Variants in MCTP2 observed in about 807,000 individuals in gnomAD.
MCTP2 encodes multiple C2 and transmembrane domain-containing protein 2.
MCTP2 carries 132 observed loss-of-function variants against 111.6 expected under a neutral mutation model. That is an observed-to-expected ratio of 1.18 (90% CI 1.03 to 1.37). MCTP2 has a LOEUF of 1.37. Ranked by LOEUF, MCTP2 falls within the 40% of genes most tolerant of loss-of-function variation. The probability of loss-of-function intolerance (pLI) is 0.00; values close to 1 mark genes in which losing one functional copy is unlikely to be tolerated. For synonymous variants in MCTP2, 395 were observed against 387.7 expected, an observed-to-expected ratio of 1.02 and a Z score of -0.22; for missense variants, 1,183 against 1,067.9, an observed-to-expected ratio of 1.11 and a Z score of -1.50.
At chr15:94,464,638 A>G (rs180686382) in intron 20 of MCTP2, among the ~76,000 whole-genome samples, 23 of 152,086 alleles carry the variant, frequency 1.5e-4, no homozygotes, top group Admixed American at 7.2e-4. Flanking sequence ...TTCTTAACAT[A>G]AACATTTAAG....
At chr15:94,324,878 G>T (rs979912675) in intron 4 of MCTP2, among the ~76,000 whole-genome samples, 11 of 152,142 alleles carry the variant, frequency 7.2e-5, no homozygotes, top group African/African-American at 2.4e-4. Context: ...TAAAATGACT[G>T]ATTTAAGTCC....
At chr15:94,288,523 G>A (rs1368241022) in intron 1 of MCTP2, among the ~76,000 whole-genome samples, 2 of 152,170 alleles carry the variant, frequency 1.3e-5, no homozygotes, top group African/African-American at 4.8e-5. Context: ...ACAGAAGGTG[G>A]GCTGCAATTT....
At chr15:94,253,723 T>TA (rs1402215047) in intron 1 of MCTP2, among the ~76,000 whole-genome samples, 6 of 149,086 alleles carry the variant, frequency 4.0e-5, no homozygotes, top group African/African-American at 1.5e-4. Context: ...GTCTCTCTCT[T>TA]AAAGTCTCTC....
rs183491054 is a variant in MCTP2 at position 94,352,295 on chromosome 15, T to C, written c.1006-3842T>C. 2.6e-5 allele frequency among the ~76,000 whole-genome samples: 4 copies of C among 152,302 alleles called. No individual in the cohort carries two copies. The East Asian group carries it at 7.7e-4, about 29-fold the overall frequency. Reference sequence around the variant, plus strand: ...AGTAAATTAGTGTTTTCAAAGCTCTTTTACAGAAGTTAATATGTTTCTAAC... The same window carrying C: ...AGTAAATTAGTGTTTTCAAAGCTCTCTTACAGAAGTTAATATGTTTCTAAC... On this transcript the variant is annotated intron_variant, in intron 8 of 22. Coordinates refer to ENST00000357742, the MANE Select transcript of MCTP2 (RefSeq NM_001385001.1).
At chr15:94,339,475 A>G (rs769608697) in intron 5 of MCTP2, 43 bp downstream of exon 5, 6 of 1,512,932 alleles carry the variant, frequency 4.0e-6, no homozygotes, top group Non-Finnish European at 5.3e-6. Context: ...TATTAAAAAC[A>G]TTTCTCAGCA....
At chr15:94,313,698 C>A (rs75273474) in intron 2 of MCTP2, among the ~76,000 whole-genome samples, 1 of 151,040 alleles carries the variant, frequency 6.6e-6, no homozygotes, top group African/African-American at 2.4e-5. Flanking sequence ...GAGACTCTGT[C>A]TAAAAAAAAA....
intron 17 of MCTP2, among the ~76,000 whole-genome samples, chr15:94,409,504 C>T (rs2082057665): frequency 6.6e-6 from 1 of 152,096 alleles, no homozygotes. Flanking sequence ...ATAACCCTGA[C>T]TAATACGGAT....
At chr15:94,449,153 T>G (rs2084293959) in intron 19 of MCTP2, among the ~76,000 whole-genome samples, 1 of 152,200 alleles carries the variant, frequency 6.6e-6, no homozygotes, top group South Asian at 2.1e-4. Flanking sequence ...AAGGGAAAAG[T>G]AATCACTGGA....
chr15:94,315,626 G>C lies in MCTP2; in HGVS notation c.626G>C (p.Arg209Pro). 1.2e-6 allele frequency: 2 copies of C among 1,613,738 alleles called. No homozygotes were observed. Among genetic ancestry groups the C allele is most frequent in the Non-Finnish European group, 1.7e-6 (2 of 1,179,684 alleles). ...AAGGAAGGCCGGAACCTGGTTGTCC[G>C]AGATCGCTGTGGTAAGACCTGGGTC... ...HLKEGRNLVV[R>P]DRCGTSDPYV... The change falls in exon 4 of 23, where the codon CGA (arginine) becomes CCA (proline). Residue 209 changes from arginine (R) to proline (P), a missense_variant. Coordinates refer to ENST00000357742, the MANE Select transcript of MCTP2 (RefSeq NM_001385001.1).
intron 1 of MCTP2, among the ~76,000 whole-genome samples, chr15:94,262,655 T>C (rs2073254296): frequency 7.2e-6 from 1 of 138,918 alleles, no homozygotes; most frequent in African/African-American, 2.7e-5. Context: ...AAACCTCTAT[T>C]TCTTTCTTTT....
chr15:94,356,449 T>G (rs562597853), intron 9 of MCTP2, 148 bp downstream of exon 9: 3 of 638,338 alleles, frequency 4.7e-6, no homozygotes, highest in African/African-American at 3.8e-5. Context: ...AAAATAATTG[T>G]ATAGATGCAG....
At chr15:94,234,305 A>AAT (rs1363692570) in intron 1 of MCTP2, among the ~76,000 whole-genome samples, 2 of 152,088 alleles carry the variant, frequency 1.3e-5, no homozygotes, top group Admixed American at 1.3e-4. Flanking sequence ...TGTGAAAGTG[A>AAT]ATATGTATTT....
At chr15:94,319,350 C>T (rs1306008332) in intron 4 of MCTP2, among the ~76,000 whole-genome samples, 3 of 152,194 alleles carry the variant, frequency 2.0e-5, no homozygotes, top group Non-Finnish European at 4.4e-5. Context: ...TTATTTTCTA[C>T]AAAACCCAAC....
chr15:94,453,777 G>T (rs2084623344), intron 19 of MCTP2, among the ~76,000 whole-genome samples: 1 of 152,100 alleles, frequency 6.6e-6, no homozygotes, highest in East Asian at 1.9e-4. Flanking sequence ...TCTACCCTGG[G>T]GCCTTGACTT....
chr15:94,296,146 A>G (rs866884607), intron 1 of MCTP2, among the ~76,000 whole-genome samples: 1 of 152,174 alleles, frequency 6.6e-6, no homozygotes, highest in African/African-American at 2.4e-5. Flanking sequence ...GTCTCCATAG[A>G]GTGCTACCCT....
intron 20 of MCTP2, among the ~76,000 whole-genome samples, chr15:94,464,259 A>T (rs1360460223): frequency 0.13 from 5,438 of 41,812 alleles, 401 homozygotes; most frequent in Admixed American, 0.21. Flanking sequence ...TATATATATT[A>T]TATATATATA....
chr15:94,456,615 G>A (rs1476057498), intron 19 of MCTP2, among the ~76,000 whole-genome samples: 1 of 152,090 alleles, frequency 6.6e-6, no homozygotes, highest in Non-Finnish European at 1.5e-5. Flanking sequence ...CACAAACTGA[G>A]GAATTAGAGT....
intron 1 of MCTP2, among the ~76,000 whole-genome samples, chr15:94,259,189 AC>A (rs2073033074): frequency 6.6e-6 from 1 of 152,106 alleles, no homozygotes; most frequent in South Asian, 2.1e-4. Context: ...ATAAAAACAC[AC>A]CATTAGTACT....
intron 10 of MCTP2, among the ~76,000 whole-genome samples, chr15:94,361,084 G>GTTTTTTTTTTTTTTTTTTTTTTTT (rs67774490): frequency 1.2e-4 from 1 of 8,400 alleles, no homozygotes; most frequent in Non-Finnish European, 2.6e-4. Context: ...AATATTTCAA[G>GTTTTTTTTTTTTTTTTTTTTTTTT]TTTTTTTTTT....
Sources: allele counts gnomAD v4.1 joint callset (sites outside exome capture counted in the v4.1 genomes callset), GRCh38; gene constraint gnomAD v4.1.1; transcripts MANE v1.5; gene names NCBI Gene and HGNC (gene_info 2026-07-23, HGNC 2026-07-21).